The following TBC1D17 variants were observed in gnomAD, a reference collection of about 807,000 sequenced individuals.
TBC1D17 encodes TBC1 domain family member 17.
TBC1D17 carries 69 observed loss-of-function variants against 78.8 expected under a neutral mutation model. The observed-to-expected ratio is 0.88, with a 90% CI of 0.72 to 1.07. TBC1D17 has a LOEUF of 1.07. TBC1D17 is among the 50% of genes least tolerant of loss of function. The pLI, the probability that TBC1D17 is intolerant of heterozygous loss-of-function variation, is 0.00. For synonymous variants in TBC1D17, 456 were observed against 358.3 expected (o/e 1.27, Z -3.08); for missense variants, 957 against 861.0 (o/e 1.11, Z -1.39).
At chr19:49,878,455 G>A in intron 2 of TBC1D17, 43 bp from the exon 3 acceptor site, 1 of 1,566,450 alleles carries the variant, frequency 6.4e-7, no homozygotes, top group Non-Finnish European at 8.8e-7. Context: ...TTGGGAATGT[G>A]GTTTGGGGAG....
In TBC1D17 at chr19:49,878,573, G is replaced by A; in HGVS notation, c.195+1G>A. ...CACCCAAATCCTCTTCTCCAAGAAGGTAGGCTCCACCCGCTTTGCCCTTCT... is the reference window on the plus strand; with the variant it reads ...CACCCAAATCCTCTTCTCCAAGAAGATAGGCTCCACCCGCTTTGCCCTTCT... On this transcript the variant is annotated splice_donor_variant, in intron 3 of 16. Transcript: ENST00000221543. LOFTEE classifies it high-confidence loss of function. 1 of 1,614,032 alleles carries A rather than the reference G, an allele frequency of 6.2e-7. No homozygotes were observed.
chr19:49,887,657 T>TG lies in TBC1D17; in HGVS notation c.1543-58dup, dbSNP rs1323390968. On this transcript the variant is annotated intron_variant, in intron 14 of 16. Transcript: ENST00000221543. ...TTGGGCGGAGAGGGACAGACCCTGG[T>TG]GGGACCTCAGGCCCAGGCTGGGCTA... 17 of 1,608,752 alleles carry TG rather than the reference T, an allele frequency of 1.1e-5. No individual in the cohort carries two copies. The African/African-American group carries it at 2.3e-4, about 21-fold the overall frequency.
chr19:49,885,872 G>A (rs1213860936), intron 13 of TBC1D17, among the ~76,000 whole-genome samples: 1 of 151,458 alleles, frequency 6.6e-6, no homozygotes, highest in Non-Finnish European at 1.5e-5. Flanking sequence ...TGTTGGGATC[G>A]GCTGAGGCAC....
In TBC1D17 at chr19:49,884,443, C is replaced by T. The variant is rs1468937323; in HGVS notation, c.1244-16C>T. 4 of 1,613,820 alleles carry T rather than the reference C, an allele frequency of 2.5e-6. 1 individual carries two copies. The South Asian group carries it at 3.3e-5, about 13-fold the overall frequency. On this transcript the variant is annotated splice_polypyrimidine_tract_variant and intron_variant, in intron 11 of 16. Coordinates refer to ENST00000221543, the MANE Select transcript of TBC1D17 (RefSeq NM_024682.3). The stretch of plus-strand genomic sequence containing the variant: ...CGCTGCGGGCTTGGCTGCAGCCTGA[C>T]CCCATGTCCCCCCAGGCTACGTCCA...
At chr19:49,883,223 G>A (rs2075031567) in intron 9 of TBC1D17, 147 bp downstream of exon 9, 1 of 696,784 alleles carries the variant, frequency 1.4e-6, no homozygotes, top group South Asian at 1.9e-5. Context: ...GATCAAGCCA[G>A]ACCCATCCTC....
intron 3 of TBC1D17, chr19:49,878,923 C>T (rs748534090): frequency 3.6e-6 from 1 of 274,764 alleles, no homozygotes; most frequent in Non-Finnish European, 7.0e-6. Flanking sequence ...TGACAGCCTA[C>T]TCACCCACTT....
intron 15 of TBC1D17, 187 bp from the exon 16 acceptor site, chr19:49,888,044 T>A: frequency 3.7e-6 from 4 of 1,069,392 alleles, no homozygotes; most frequent in Non-Finnish European, 5.4e-6. Context: ...GTGGGGACCT[T>A]CCCTCCCCGA....
intron 7 of TBC1D17, 36 bp from the exon 8 acceptor site, chr19:49,882,728 C>A: frequency 6.7e-7 from 1 of 1,496,242 alleles, no homozygotes; most frequent in East Asian, 2.4e-5. Flanking sequence ...CCCACCACCC[C>A]GCCGAGCCCC....
intron 3 of TBC1D17, among the ~76,000 whole-genome samples, chr19:49,879,936 C>T (rs1305438466): frequency 6.6e-6 from 1 of 150,850 alleles, no homozygotes; most frequent in Non-Finnish European, 1.5e-5. Flanking sequence ...TCACTGCAAC[C>T]TCCGCCTCCC....
Position 49,888,725 on chromosome 19 carries a change from C to A in TBC1D17, c.*101C>A. On this transcript the variant is annotated 3_prime_UTR_variant, in exon 17 of 17. Transcript: ENST00000221543. ...CGCCGCCCTGCTGATAAGCTGGCTT[C>A]ATTAAACTGACACTTCTCATGTGCA... 2 of 1,118,942 alleles carry A rather than the reference C, an allele frequency of 1.8e-6. No homozygotes were observed. 69.3% of individuals were successfully genotyped at this position (1,118,942 alleles called of 1,614,324 possible).
intron 1 of TBC1D17, 101 bp downstream of exon 1, chr19:49,877,845 G>T: frequency 7.1e-7 from 1 of 1,410,504 alleles, no homozygotes; most frequent in Non-Finnish European, 9.7e-7. Context: ...ATCCGGCACG[G>T]CCTTGGCAAA....
chr19:49,888,392 C>T, intron 16 of TBC1D17, 32 bp from the exon 17 acceptor site: 3 of 1,576,450 alleles, frequency 1.9e-6, no homozygotes, highest in South Asian at 2.3e-5. Flanking sequence ...CTTCACCTTC[C>T]GCTTTTCGCT....
chr19:49,883,050 G>A lies in TBC1D17; in HGVS notation c.1005G>A (p.Glu335=). 6.2e-7 allele frequency: 1 copy of A among 1,610,494 alleles called. No homozygotes were observed. The highest frequency in any genetic ancestry group is 1.3e-5 in the African/African-American group (1 of 74,950). The part of the protein sequence containing the change: ...GYLSWEGTAE[E]HKAHIRKKTD... Reference sequence around the variant, plus strand: ...TCAGCTGGGAAGGCACAGCTGAGGAGCACAAGGCCCACATACGCAAGAAAA... The same window carrying A: ...TCAGCTGGGAAGGCACAGCTGAGGAACACAAGGCCCACATACGCAAGAAAA... Residue 335 remains glutamate, a synonymous_variant, in exon 9 of 17, where the codon GAG becomes GAA. Coordinates refer to ENST00000221543, the MANE Select transcript of TBC1D17 (RefSeq NM_024682.3).
At chr19:49,884,862 A>C in intron 13 of TBC1D17, 104 bp downstream of exon 13, 1 of 948,630 alleles carries the variant, frequency 1.1e-6, no homozygotes. Context: ...TCCTGATCCA[A>C]ACAAGAGAAA....
At position 49,881,464 on chromosome 19, in the gene TBC1D17, G is replaced by C; in HGVS notation, c.516G>C (p.Leu172=). The C allele has an allele frequency of 3.7e-6, 6 of 1,608,978 alleles. No homozygotes were observed. The highest frequency in any genetic ancestry group is 5.1e-6 in the Non-Finnish European group (6 of 1,179,702). The part of the protein sequence containing the change: ...RALLRVLSRY[L]LLASSPQDSR... ...TGCTCCGCGTCCTCAGCCGCTACCTGCTGTTGGCCAGGTGAGCTCTCTCCC... is the reference window on the plus strand; with the variant it reads ...TGCTCCGCGTCCTCAGCCGCTACCTCCTGTTGGCCAGGTGAGCTCTCTCCC... Residue 172 remains leucine (L), a synonymous_variant, in exon 5 of 17, where the codon CTG becomes CTC. Coordinates refer to ENST00000221543, the MANE Select transcript of TBC1D17 (RefSeq NM_024682.3).
chr19:49,880,992 A>G (rs1298021497), intron 4 of TBC1D17, among the ~76,000 whole-genome samples: 4 of 152,170 alleles, frequency 2.6e-5, no homozygotes, highest in African/African-American at 9.7e-5. Flanking sequence ...GGCGAAGGAC[A>G]GACCCGAGGG....
In TBC1D17 at chr19:49,880,351, G is replaced by A. The variant is rs1158436662; in HGVS notation, c.268G>A (p.Ala90Thr). ...TGACCCCGGCTATGAACCTGACTGGGCTGTCATCAGCACTGTGCGGCCACA... is the reference window on the plus strand; with the variant it reads ...TGACCCCGGCTATGAACCTGACTGGACTGTCATCAGCACTGTGCGGCCACA... ...TFDPGYEPDW[A>T]VISTVRPQLC... The change falls in exon 4 of 17, where the codon GCT (alanine) becomes ACT (threonine). Residue 90 changes from alanine to threonine, a missense_variant. Coordinates refer to ENST00000221543, the MANE Select transcript of TBC1D17 (RefSeq NM_024682.3). The A allele has an allele frequency of 2.5e-6, 4 of 1,613,914 alleles. No individual in the cohort carries two copies. Among genetic ancestry groups the A allele is most frequent in the East Asian group, 2.2e-5 (1 of 44,900 alleles).
chr19:49,883,779 G>C (rs1317907404), intron 10 of TBC1D17, 34 bp downstream of exon 10: 1 of 1,588,132 alleles, frequency 6.3e-7, no homozygotes, highest in Non-Finnish European at 8.6e-7. Flanking sequence ...GGGTGGATGG[G>C]AGCAGGGAAC....
Position 49,882,888 on chromosome 19 carries a change from CG to C in TBC1D17, c.927+1del. 6.2e-7 allele frequency: 1 copy of C among 1,606,294 alleles called. No homozygotes were observed. The highest frequency in any genetic ancestry group is 8.5e-7 in the Non-Finnish European group (1 of 1,176,796). ...QVPELKNRIF[S>X]GGLSPSLRRE... ...CCTGAGCTGAAGAACCGGATCTTCT[CG>C]GGGGTGAGTGCCAGGACAGGTGGAA... On this transcript the variant is annotated frameshift_variant, in exon 8 of 17. Transcript: ENST00000221543. LOFTEE classifies it high-confidence loss of function.
Sources: allele counts gnomAD v4.1 joint callset (sites outside exome capture counted in the v4.1 genomes callset), GRCh38; gene constraint gnomAD v4.1.1; transcripts MANE v1.5; gene names NCBI Gene and HGNC (gene_info 2026-07-23, HGNC 2026-07-21).